Variants in SECISBP2 observed in about 807,000 individuals in gnomAD.
The protein encoded by SECISBP2 is SECIS binding protein 2.
A neutral mutation model predicts 98.2 loss-of-function variants in SECISBP2; 96 were observed. The ratio of observed to expected loss-of-function variants is 0.98; its 90% CI spans 0.83 to 1.16. The LOEUF is 1.16. SECISBP2 is among the 50% of genes most tolerant of loss of function. The probability of loss-of-function intolerance (pLI) is 0.00; values close to 1 mark genes in which losing one functional copy is unlikely to be tolerated. For missense variants in SECISBP2, 1,046 were observed against 1,022.9 expected (o/e 1.02, Z -0.31); for synonymous variants, 407 against 370.2 (o/e 1.10, Z -1.14).
At chr9:89,337,702 C>A (rs1490629649) in intron 7 of SECISBP2, among the ~76,000 whole-genome samples, 1 of 152,158 alleles carries the variant, frequency 6.6e-6, no homozygotes, top group Non-Finnish European at 1.5e-5. Context: ...AGTGTAAATT[C>A]GCACTGGGTA....
At chr9:89,344,190 T>A (rs1348270707) in intron 10 of SECISBP2, among the ~76,000 whole-genome samples, 4 of 152,230 alleles carry the variant, frequency 2.6e-5, no homozygotes, top group African/African-American at 4.8e-5. Context: ...TTGTTTAAGA[T>A]CCTTGTAGAT....
the SECISBP2 span, among the ~76,000 whole-genome samples, chr9:89,366,633 T>C: frequency 6.6e-6 from 1 of 152,266 alleles, no homozygotes; most frequent in Non-Finnish European, 1.5e-5. Flanking sequence ...ATTACATAGA[T>C]GTACAAACAT....
At chr9:89,362,846 G>C (rs1297908945), downstream of SECISBP2, among the ~76,000 whole-genome samples, 1 of 152,242 alleles carries the variant, frequency 6.6e-6, no homozygotes, top group Non-Finnish European at 1.5e-5. Flanking sequence ...ATGAATCCCT[G>C]CCTTTGCCTT....
intron 10 of SECISBP2, among the ~76,000 whole-genome samples, chr9:89,344,850 C>T (rs1734155057): frequency 6.6e-6 from 1 of 152,158 alleles, no homozygotes; most frequent in Non-Finnish European, 1.5e-5. Flanking sequence ...CCAAACACTG[C>T]AGTGTTGGAA....
At chr9:89,363,592 C>T, downstream of SECISBP2, 2 of 1,604,534 alleles carry the variant, frequency 1.2e-6, no homozygotes, top group Non-Finnish European at 1.7e-6. Context: ...TTGATGCCCA[C>T]TGGCCACCTT....
At chr9:89,366,605 C>G in the SECISBP2 span, among the ~76,000 whole-genome samples, 1 of 152,170 alleles carries the variant, frequency 6.6e-6, no homozygotes, top group African/African-American at 2.4e-5. Flanking sequence ...ATGTATCTAT[C>G]TACAAATATA....
At chr9:89,347,614 G>T (rs1389786759) in intron 11 of SECISBP2, among the ~76,000 whole-genome samples, 1 of 152,026 alleles carries the variant, frequency 6.6e-6, no homozygotes, top group Non-Finnish European at 1.5e-5. Context: ...GAGTAGCTGG[G>T]ATTACAGGCG....
In SECISBP2 at chr9:89,358,839, GTGTC is replaced by G; in HGVS notation, c.*19_*22del. The G allele has an allele frequency of 6.4e-7, 1 of 1,565,072 alleles. No homozygotes were observed. The highest frequency in any genetic ancestry group is 1.7e-4 in the Middle Eastern group (1 of 5,962). ...TGAATTTATGAGAGTTCTTGCCTGT[GTGTC>G]TGTATTTTGGGTAAGGAGGGGAGGT... On this transcript the variant is annotated 3_prime_UTR_variant, in exon 17 of 17. Coordinates refer to ENST00000375807, the MANE Select transcript of SECISBP2 (RefSeq NM_024077.5).
In SECISBP2 at chr9:89,332,228, GCA is replaced by G. The variant is rs140202280; in HGVS notation, c.802-661_802-660del. Among the ~76,000 whole-genome samples the G allele has an allele frequency of 8.6e-3, 1,277 of 149,134 alleles. 22 individuals carry two copies. The highest frequency in any genetic ancestry group is 0.029 in the African/African-American group (1,182 of 40,950). ...CAGATTTCCCATATGCCCCTTGCCTGCACACACACACACACACACAGCCTCCT... is the reference window on the plus strand; with the variant it reads ...CAGATTTCCCATATGCCCCTTGCCTGCACACACACACACACACAGCCTCCT... On this transcript the variant is annotated intron_variant, in intron 5 of 16. Transcript: ENST00000375807.
At chr9:89,342,712 G>C (rs1379241964) in intron 10 of SECISBP2, among the ~76,000 whole-genome samples, 2 of 152,104 alleles carry the variant, frequency 1.3e-5, no homozygotes, top group Non-Finnish European at 2.9e-5. Flanking sequence ...GAAATATCTG[G>C]AATAGGCAAA....
chr9:89,318,945 T>G, intron 1 of SECISBP2: 3 of 1,169,244 alleles, frequency 2.6e-6, no homozygotes, highest in Non-Finnish European at 2.1e-6. Context: ...ACGGATAGAT[T>G]GTTTTAAAGG....
At chr9:89,334,232 G>GT in intron 6 of SECISBP2, 31 of 1,193,416 alleles carry the variant, frequency 2.6e-5, no homozygotes, top group Non-Finnish European at 3.2e-5. Context: ...GTGGATTGTT[G>GT]TTTTTTAACT....
intron 2 of SECISBP2, among the ~76,000 whole-genome samples, chr9:89,321,998 C>T (rs1281652162): frequency 1.3e-5 from 2 of 152,220 alleles, no homozygotes; most frequent in Non-Finnish European, 2.9e-5. Flanking sequence ...TACATAGCAT[C>T]CTAAGTCAAC....
intron 1 of SECISBP2, chr9:89,319,028 C>G: frequency 9.8e-7 from 1 of 1,025,316 alleles, no homozygotes; most frequent in East Asian, 9.0e-5. Flanking sequence ...CCCTGGCGAT[C>G]GCTTGCATCA....
intron 11 of SECISBP2, among the ~76,000 whole-genome samples, chr9:89,347,325 G>C (rs1231061839): frequency 6.6e-6 from 1 of 152,074 alleles, no homozygotes; most frequent in Non-Finnish European, 1.5e-5. Context: ...AACCAGAAAT[G>C]GGAGGAGTTG....
the SECISBP2 span, among the ~76,000 whole-genome samples, chr9:89,366,652 A>G: frequency 3.3e-5 from 5 of 152,368 alleles, no homozygotes; most frequent in African/African-American, 1.2e-4. Context: ...ATATGTCTCT[A>G]TGTACATCTA....
At chr9:89,320,124 A>T (rs148135617) in intron 2 of SECISBP2, among the ~76,000 whole-genome samples, 133 of 152,256 alleles carry the variant, frequency 8.7e-4, no homozygotes, top group African/African-American at 3.0e-3. Context: ...TGGGAGGCCG[A>T]GGTGGGTGGA....
At chr9:89,346,830 G>C in intron 10 of SECISBP2, 52 bp from the exon 11 acceptor site, 1 of 1,609,950 alleles carries the variant, frequency 6.2e-7, no homozygotes. Context: ...TCCAAGAGCT[G>C]GGTGGGGCAT....
intron 2 of SECISBP2, 133 bp from the exon 3 acceptor site, chr9:89,325,294 A>G: frequency 2.5e-6 from 2 of 798,036 alleles, no homozygotes; most frequent in African/African-American, 1.7e-5. Context: ...TTGGCTTTTA[A>G]TTAGGGATTA....
Sources: gnomAD v4.1 joint callset for allele counts (sites outside exome capture counted in the v4.1 genomes callset) on GRCh38, gnomAD v4.1.1 for gene constraint, MANE v1.5 for transcripts, NCBI Gene and HGNC (gene_info 2026-07-23, HGNC 2026-07-21) for gene names.